The following CYP20A1 variants were observed in gnomAD, a reference collection of about 807,000 sequenced individuals.
The protein encoded by CYP20A1 is cytochrome P450 20A1.
A neutral mutation model predicts 61.4 loss-of-function variants in CYP20A1; 61 were observed. That is an observed-to-expected ratio of 0.99 (90% CI 0.81 to 1.23). The LOEUF (loss-of-function observed/expected upper bound fraction) is 1.23. Among genes scored for constraint, CYP20A1 ranks in the 50% most tolerant of loss-of-function variants. The pLI is 0.00. For missense variants in CYP20A1, 530 were observed against 542.4 expected, an observed-to-expected ratio of 0.98 and a Z score of 0.23; for synonymous variants, 193 against 188.2, an observed-to-expected ratio of 1.03 and a Z score of -0.21.
intron 4 of CYP20A1, among the ~76,000 whole-genome samples, chr2:203,255,589 A>G (rs892868424): frequency 6.6e-6 from 1 of 152,210 alleles, no homozygotes. Flanking sequence ...ACTGCACTGG[A>G]TTCCATGAAC....
At chr2:203,284,598 T>C (rs1006602860) in intron 8 of CYP20A1, among the ~76,000 whole-genome samples, 6 of 152,150 alleles carry the variant, frequency 3.9e-5, no homozygotes, top group Non-Finnish European at 8.8e-5. Context: ...ATCTTCCCAT[T>C]TTGGCGTTGA....
At chr2:203,242,050 C>T (rs1559081773) in intron 1 of CYP20A1, among the ~76,000 whole-genome samples, 1 of 152,146 alleles carries the variant, frequency 6.6e-6, no homozygotes, top group Non-Finnish European at 1.5e-5. Flanking sequence ...CCGTGTTGGC[C>T]AGGCTGGTTT....
chr2:203,262,199 C>G (rs962305728), intron 4 of CYP20A1, among the ~76,000 whole-genome samples: 6 of 152,082 alleles, frequency 3.9e-5, no homozygotes, highest in Non-Finnish European at 7.4e-5. Flanking sequence ...GGACCCAAGT[C>G]GATTTTTATA....
intron 1 of CYP20A1, among the ~76,000 whole-genome samples, chr2:203,240,636 G>A (rs1300546380): frequency 2.0e-5 from 3 of 152,184 alleles, no homozygotes; most frequent in Non-Finnish European, 4.4e-5. Context: ...AAGCCATTCT[G>A]AGAAAGAGCA....
In CYP20A1 at chr2:203,285,768, G is replaced by C. The variant is rs762661265; in HGVS notation, c.971+36G>C. On this transcript the variant is annotated intron_variant, in intron 9 of 12. Transcript: ENST00000356079. ...AATAAAAAGAGGAGATTATTAAAAG[G>C]TAAATTTGAACTGGTTTATCTAATT... 16 of 1,497,816 alleles carry C rather than the reference G, an allele frequency of 1.1e-5. No individual in the cohort carries two copies. The South Asian group carries it at 2.4e-4, about 22-fold the overall frequency. 92.8% of individuals were successfully genotyped at this position (1,497,816 alleles called of 1,614,324 possible). A position where few individuals can be genotyped will look rare whatever the true frequency, so the allele number is the denominator to read the frequency against.
At chr2:203,247,287 T>C (rs2066495143) in intron 3 of CYP20A1, among the ~76,000 whole-genome samples, 1 of 152,056 alleles carries the variant, frequency 6.6e-6, no homozygotes, top group Non-Finnish European at 1.5e-5. Context: ...TTAATGTTTA[T>C]AAATAAAAAC....
intron 5 of CYP20A1, among the ~76,000 whole-genome samples, chr2:203,269,586 C>T (rs13026557): frequency 0.025 from 3,790 of 151,576 alleles, 67 homozygotes; most frequent in Non-Finnish European, 0.037. Flanking sequence ...CCTCCACCTC[C>T]CAGGTTAAAG....
In CYP20A1 at chr2:203,245,518, A is replaced by T. The variant is rs564681704; in HGVS notation, c.73-328A>T. 6.6e-5 allele frequency among the ~76,000 whole-genome samples: 10 copies of T among 152,098 alleles called. No individual in the cohort carries two copies. In the East Asian group the frequency reaches 1.9e-3, roughly 29 times the overall value. ...ATCCTCTCACCCTCCGAAAGGCCCC[A>T]GCATGTATTGTTCCCCTCTATGTGT... On this transcript the variant is annotated intron_variant, in intron 1 of 12. Coordinates refer to ENST00000356079, the MANE Select transcript of CYP20A1 (RefSeq NM_177538.3).
intron 5 of CYP20A1, among the ~76,000 whole-genome samples, chr2:203,271,372 G>A (rs995945428): frequency 6.6e-6 from 1 of 151,854 alleles, no homozygotes; most frequent in Non-Finnish European, 1.5e-5. Flanking sequence ...ACAGGCTTGA[G>A]CCACCGCACC....
intron 1 of CYP20A1, among the ~76,000 whole-genome samples, chr2:203,243,951 A>G (rs2066355457): frequency 6.6e-6 from 1 of 152,070 alleles, no homozygotes; most frequent in Non-Finnish European, 1.5e-5. Context: ...TGGCCTCCCA[A>G]AGTACTGGGA....
In CYP20A1 at chr2:203,289,833, A is replaced by C; in HGVS notation, c.1040A>C (p.Gln347Pro). 1 of 1,598,482 alleles carries C rather than the reference A, an allele frequency of 6.3e-7. No individual in the cohort carries two copies. Among genetic ancestry groups the C allele is most frequent in the Non-Finnish European group, 8.5e-7 (1 of 1,170,952 alleles). ...AKLTPVSAQLQDIEGKIDRFI... is the reference protein window; with the variant it reads ...AKLTPVSAQLPDIEGKIDRFI... ...CTGACTCCAGTTTCTGCCCAGCTTC[A>C]AGATATTGAAGGAAAAATTGACCGA... The change falls in exon 10 of 13, where the codon CAA becomes CCA. Residue 347 changes from glutamine (Q) to proline (P), a missense_variant. Gln to Pro is a moderately conservative substitution (Grantham distance 76). Transcript: ENST00000356079.
Position 203,302,961 on chromosome 2 carries a change from G to A in CYP20A1, c.*6053G>A, listed in dbSNP as rs2069079670. Among the ~76,000 whole-genome samples, 1 of 151,938 alleles carries A rather than the reference G, an allele frequency of 6.6e-6. No individual in the cohort carries two copies. Among genetic ancestry groups the A allele is most frequent in the Admixed American group, 6.6e-5 (1 of 15,232 alleles). ...CCAACTCAGCCTCCCAGAGTGCTGG[G>A]ATTACAAGCATGAGCCACCGCGCTC... On this transcript the variant is annotated 3_prime_UTR_variant, in exon 13 of 13. Transcript: ENST00000356079.
chr2:203,247,516 G>A (rs1318944964), intron 3 of CYP20A1, among the ~76,000 whole-genome samples: 3 of 152,038 alleles, frequency 2.0e-5, no homozygotes, highest in Non-Finnish European at 2.9e-5. Flanking sequence ...GGTATATCTG[G>A]AAGAGTAAAG....
intron 11 of CYP20A1, among the ~76,000 whole-genome samples, chr2:203,293,301 C>T (rs1322675602): frequency 2.0e-5 from 3 of 147,534 alleles, no homozygotes; most frequent in African/African-American, 5.0e-5. Flanking sequence ...CTGCAAGCTC[C>T]GCCTCCCAGG....
chr2:203,253,063 T>C (rs1187899988), intron 4 of CYP20A1, among the ~76,000 whole-genome samples: 1 of 151,988 alleles, frequency 6.6e-6, no homozygotes, highest in African/African-American at 2.4e-5. Flanking sequence ...TCTCACGTCC[T>C]GTGTTGGTTC....
chr2:203,278,559 T>C lies in CYP20A1; in HGVS notation c.680-14T>C. The C allele has an allele frequency of 7.3e-7, 1 of 1,373,844 alleles. No individual in the cohort carries two copies. Among genetic ancestry groups the C allele is most frequent in the East Asian group, 2.4e-5 (1 of 42,464 alleles). The allele number at this position is 1,373,844 out of a possible 1,614,324, so 85.1% of individuals were successfully genotyped here. The stretch of plus-strand genomic sequence containing the variant: ...ATGCTTGTATTCTAAAATTATTTTG[T>C]TTTTTTCTCTAAGCCCTCATGCAAC... On this transcript the variant is annotated splice_polypyrimidine_tract_variant and intron_variant, in intron 6 of 12. Coordinates refer to ENST00000356079, the MANE Select transcript of CYP20A1 (RefSeq NM_177538.3).
At chr2:203,272,851 CT>C (rs372576462) in intron 6 of CYP20A1, 103 bp downstream of exon 6, 55,507 of 421,672 alleles carry the variant, frequency 0.13, no homozygotes, top group South Asian at 0.2. Flanking sequence ...TTTATATTTT[CT>C]TTTTTTTTTT....
At chr2:203,292,199 G>T in intron 10 of CYP20A1, 63 bp from the exon 11 acceptor site, 1 of 1,013,508 alleles carries the variant, frequency 9.9e-7, no homozygotes, top group South Asian at 1.6e-5. Context: ...GGAATAAGTT[G>T]ACTTTCTAGG....
At chr2:203,258,670 G>T (rs1007817387) in intron 4 of CYP20A1, among the ~76,000 whole-genome samples, 1 of 152,166 alleles carries the variant, frequency 6.6e-6, no homozygotes, top group African/African-American at 2.4e-5. Context: ...CAGGAGGCTT[G>T]TGCACCCAAA....
Sources: allele counts gnomAD v4.1 joint callset (sites outside exome capture counted in the v4.1 genomes callset), GRCh38; gene constraint gnomAD v4.1.1; transcripts MANE v1.5; gene names NCBI Gene and HGNC (gene_info 2026-07-23, HGNC 2026-07-21).